The following PIGR variants were observed in gnomAD, a reference collection of about 807,000 sequenced individuals.
The protein encoded by PIGR is hepatocellular carcinoma associated protein TB6.
Under a neutral mutation model 69.5 loss-of-function variants are expected in PIGR, and 22 were observed. The observed-to-expected ratio is 0.32, with a 90% CI of 0.23 to 0.45. The LOEUF (loss-of-function observed/expected upper bound fraction) is 0.45, where lower values mean the gene tolerates loss of function less well. Among genes scored for constraint, PIGR ranks in the 20% least tolerant of loss-of-function variants. The probability of loss-of-function intolerance (pLI) is 1.00; values close to 1 mark genes in which losing one functional copy is unlikely to be tolerated. For synonymous variants in PIGR, 413 were observed against 407.6 expected, an observed-to-expected ratio of 1.01 and a Z score of -0.16; for missense variants, 885 against 974.0, an observed-to-expected ratio of 0.91 and a Z score of 1.22.
chr1:206,933,048 T>C lies in PIGR; in HGVS notation c.1824A>G (p.Glu608=). 1 of 1,614,174 alleles carries C rather than the reference T, an allele frequency of 6.2e-7. No homozygotes were observed. Among genetic ancestry groups the C allele is most frequent in the South Asian group, 1.1e-5 (1 of 91,080 alleles). Residue 608 remains glutamate, a synonymous_variant, in exon 7 of 11, where the codon GAA becomes GAG. Transcript: ENST00000356495. ...AIQDPRLFAE[E]KAVADTRDQA... ...GATCTCTTGTATCTGCCACCGCCTT[T>C]TCCTCTGCAAAAAGCCTGGGATCCT...
Position 206,931,797 on chromosome 1 carries a change from C to T in PIGR, c.2014G>A (p.Val672Ile), listed in dbSNP as rs766623390. 4 of 1,614,128 alleles carry T rather than the reference C, an allele frequency of 2.5e-6. No homozygotes were observed. The highest frequency in any genetic ancestry group is 2.2e-5 in the South Asian group (2 of 91,076). Residue 672 changes from valine to isoleucine, a missense_variant, in exon 9 of 11, where the codon GTT becomes ATT. Transcript: ENST00000356495. ...TCTGTCCTGTAGCTTCTGATTGAAACTCGGTCTGTCCGGGAGGAAGAGGAG... is the reference window on the plus strand; with the variant it reads ...TCTGTCCTGTAGCTTCTGATTGAAATTCGGTCTGTCCGGGAGGAAGAGGAG... The part of the protein sequence containing the change: ...RARHRKNVDR[V>I]SIRSYRTDIS...
At chr1:206,934,346 G>T in intron 6 of PIGR, 74 bp downstream of exon 6, 1 of 1,306,908 alleles carries the variant, frequency 7.7e-7, no homozygotes, top group Non-Finnish European at 1.1e-6. Flanking sequence ...TGATTGAGAA[G>T]CTCTCAGGCA....
chr1:206,946,306 G>T (rs756575184), intron 1 of PIGR, 30 bp downstream of exon 1: 2 of 152,304 alleles, frequency 1.3e-5, no homozygotes, highest in Non-Finnish European at 1.5e-5. Flanking sequence ...ATAGCATCCC[G>T]TCTGGGGATC....
rs571406021 is a variant in PIGR, at chr1:206,933,933, G to A, written c.1705+487C>T. 4.0e-5 allele frequency among the ~76,000 whole-genome samples: 6 copies of A among 151,334 alleles called. No individual in the cohort carries two copies. The South Asian group carries it at 1.0e-3, about 26-fold the overall frequency. On this transcript the variant is annotated intron_variant, in intron 6 of 10. Transcript: ENST00000356495. Reference sequence around the variant, plus strand: ...TGCCTAGGCTAGAGTGTGGTGGCACGATCTCAGTTCACTGCAACCCCTGCC... The same window carrying A: ...TGCCTAGGCTAGAGTGTGGTGGCACAATCTCAGTTCACTGCAACCCCTGCC...
intron 6 of PIGR, 65 bp downstream of exon 6, chr1:206,934,355 C>G (rs1222029440): frequency 1.1e-5 from 15 of 1,396,180 alleles, no homozygotes; most frequent in Non-Finnish European, 1.4e-5. Context: ...AGCTCTCAGG[C>G]AGGGGCCTTC....
At chr1:206,940,674 G>A in intron 1 of PIGR, 90 bp from the exon 2 acceptor site, 1 of 726,198 alleles carries the variant, frequency 1.4e-6, no homozygotes, top group Non-Finnish European at 2.2e-6. Flanking sequence ...ATTTGGCTTT[G>A]TATCTCCAGC....
chr1:206,939,561 G>A (rs961121677), intron 2 of PIGR, 98 bp from the exon 3 acceptor site: 68 of 742,184 alleles, frequency 9.2e-5, no homozygotes, highest in South Asian at 1.4e-4. Flanking sequence ...TACCTGACAC[G>A]TAGGCCCTGT....
At chr1:206,937,011 G>A (rs1356383626) in intron 4 of PIGR, 84 bp downstream of exon 4, 1 of 1,262,016 alleles carries the variant, frequency 7.9e-7, no homozygotes, top group African/African-American at 1.5e-5. Context: ...GATGACTATT[G>A]ATGAATACAC....
At position 206,937,098 on chromosome 1, in the gene PIGR, C is replaced by T; in HGVS notation, c.1042G>A (p.Glu348Lys). 6.3e-7 allele frequency: 1 copy of T among 1,591,722 alleles called. No homozygotes were observed. Among genetic ancestry groups the T allele is most frequent in the Non-Finnish European group, 8.6e-7 (1 of 1,168,812 alleles). The change falls in exon 4 of 11, where the codon GAG (glutamate) becomes AAG (lysine). Residue 348 changes from glutamate to lysine, a missense_variant. By Grantham distance (56) the Glu-to-Lys change is moderately conservative. Coordinates refer to ENST00000356495, the MANE Select transcript of PIGR (RefSeq NM_002644.4). ...CCCTCCCTCTCTAGGGTCTTACCCT[C>T]ATTGACGAAGAGTTGCCAGGCCTGG... is the stretch of plus-strand genomic sequence containing the variant. ...PIQAWQLFVN[E>K]ESTIPRSPTV...
In PIGR at chr1:206,937,643, T is replaced by C. The variant is rs142465620; in HGVS notation, c.497A>G (p.Tyr166Cys). 9 of 1,613,770 alleles carry C rather than the reference T, an allele frequency of 5.6e-6. No individual in the cohort carries two copies. In the African/African-American group the frequency reaches 9.3e-5, roughly 17 times the overall value. ...CACAGGGTACAGGCCTATCTGCTTG[T>C]ACAAGGACTTCCTCTTTTGAGCATT... ...TENAQKRKSL[Y>C]KQIGLYPVLV... The change falls in exon 4 of 11, where the codon TAC (tyrosine) becomes TGC (cysteine). Residue 166 changes from tyrosine (Y) to cysteine (C), a missense_variant. Transcript: ENST00000356495.
chr1:206,937,198 G>A lies in PIGR; in HGVS notation c.942C>T (p.Gly314=). The A allele has an allele frequency of 6.2e-7, 1 of 1,614,172 alleles. No individual in the cohort carries two copies. The change falls in exon 4 of 11, where the codon GGC becomes GGT. Residue 314 remains glycine (G), a synonymous_variant. Coordinates refer to ENST00000356495, the MANE Select transcript of PIGR (RefSeq NM_002644.4). ...AGCGCCCTGCATCCTCCTTCCTCAG[G>A]CCTGTGATCACCACACTGAATGAGC... ...KDGSFSVVIT[G]LRKEDAGRYL...
Position 206,937,324 on chromosome 1 carries a change from T to C in PIGR, c.816A>G (p.Arg272=). 6.2e-7 allele frequency: 1 copy of C among 1,613,108 alleles called. No individual in the cohort carries two copies. Among genetic ancestry groups the C allele is most frequent in the South Asian group, 1.1e-5 (1 of 90,966 alleles). The change falls in exon 4 of 11, where the codon CGA becomes CGG. Residue 272 remains arginine, a synonymous_variant. Transcript: ENST00000356495. Reference sequence around the variant, plus strand: ...CGTCACAGTTTTCCCCACTGCTCTGTCGGCACAGAAATTTGGCCACGTTTG... The same window carrying C: ...CGTCACAGTTTTCCCCACTGCTCTGCCGGCACAGAAATTTGGCCACGTTTG... ...EVANVAKFLC[R]QSSGENCDVV... is the part of the protein sequence containing the mutation.
chr1:206,942,008 C>T (rs551305802), intron 1 of PIGR, among the ~76,000 whole-genome samples: 63 of 152,336 alleles, frequency 4.1e-4, no homozygotes, highest in South Asian at 1.7e-3. Flanking sequence ...ACTCCCTTCA[C>T]CAGCTTGAGC....
chr1:206,931,137 T>C, intron 10 of PIGR: 1 of 985,452 alleles, frequency 1.0e-6, no homozygotes, highest in Non-Finnish European at 1.2e-6. Context: ...ATGTGTGGCC[T>C]GAGGTCCTTG....
At position 206,937,515 on chromosome 1, in the gene PIGR, G is replaced by T. The variant is rs754170263; in HGVS notation, c.625C>A (p.Gln209Lys). The T allele has an allele frequency of 2.3e-5, 37 of 1,614,074 alleles. No homozygotes were observed. The highest frequency in any genetic ancestry group is 3.0e-5 in the Non-Finnish European group (35 of 1,180,036). ...TGCCCAGCATCGCTGAGCCTGAGTTGGTTGATGACAACGCTGAACAGTAAC... is the reference window on the plus strand; with the variant it reads ...TGCCCAGCATCGCTGAGCCTGAGTTTGTTGATGACAACGCTGAACAGTAAC... ...GQLLFSVVIN[Q>K]LRLSDAGQYL... The change falls in exon 4 of 11, where the codon CAA becomes AAA. Residue 209 changes from glutamine to lysine, a missense_variant. Gln to Lys is a moderately conservative substitution (Grantham distance 53). Transcript: ENST00000356495.
Position 206,934,608 on chromosome 1 carries a change from A to C in PIGR, c.1517T>G (p.Leu506Arg). Residue 506 changes from leucine (L) to arginine (R), a missense_variant, in exon 6 of 11, where the codon CTG becomes CGG. Transcript: ENST00000356495. ...CKWNNTGCQA[L>R]PSQDEGPSKA... ...GCTGGGGCCTTCGTCTTGGCTGGGC[A>C]GGGCCTGGCAGCCCGTGTTATTCCA... 1 of 1,614,202 alleles carries C rather than the reference A, an allele frequency of 6.2e-7. No homozygotes were observed. The highest frequency in any genetic ancestry group is 1.1e-5 in the South Asian group (1 of 91,086).
Position 206,934,453 on chromosome 1 carries a change from C to T in PIGR, c.1672G>A (p.Val558Ile), listed in dbSNP as rs191320141. 136 of 1,614,048 alleles carry T rather than the reference C, an allele frequency of 8.4e-5. No homozygotes were observed. The Admixed American group carries it at 9.8e-4, about 12-fold the overall frequency. The stretch of plus-strand genomic sequence containing the variant: ...TTCCTCTCTTCAACTGCCACATAGA[C>T]GGCTGCAGTCTCTCCATAGAAGTGG... ...QGHFYGETAA[V>I]YVAVEERKAA... The change falls in exon 6 of 11, where the codon GTC (valine) becomes ATC (isoleucine). Residue 558 changes from valine (V) to isoleucine (I), a missense_variant. Coordinates refer to ENST00000356495, the MANE Select transcript of PIGR (RefSeq NM_002644.4).
Position 206,929,630 on chromosome 1 carries a change from T to C in PIGR, c.*688A>G, listed in dbSNP as rs543961969. Reference sequence around the variant, plus strand: ...GTGAAATGGTAAGAATGTGGGTTTATAATTACCTGTGTGTATGCTCATCAT... The same window carrying C: ...GTGAAATGGTAAGAATGTGGGTTTACAATTACCTGTGTGTATGCTCATCAT... On this transcript the variant is annotated 3_prime_UTR_variant, in exon 11 of 11. Transcript: ENST00000356495. 3 of 152,354 alleles carry C rather than the reference T, an allele frequency of 2.0e-5. No individual in the cohort carries two copies. The highest frequency in any genetic ancestry group is 7.2e-5 in the African/African-American group (3 of 41,584). 9.4% of individuals were successfully genotyped at this position (152,354 alleles called of 1,614,324 possible).
At position 206,937,595 on chromosome 1, in the gene PIGR, T is replaced by C. The variant is rs1432237587; in HGVS notation, c.545A>G (p.Tyr182Cys). 6.2e-7 allele frequency: 1 copy of C among 1,614,046 alleles called. No homozygotes were observed. The highest frequency in any genetic ancestry group is 8.5e-7 in the Non-Finnish European group (1 of 1,179,968). Residue 182 changes from tyrosine (Y) to cysteine (C), a missense_variant, in exon 4 of 11, where the codon TAT becomes TGT. Coordinates refer to ENST00000356495, the MANE Select transcript of PIGR (RefSeq NM_002644.4). ...TCTTCCTGTATAGTTGGGATTTACA[T>C]AACCACTGGAGTCGATGACCAGCAC... ...YPVLVIDSSG[Y>C]VNPNYTGRIR...
Sources: gnomAD v4.1 joint callset for allele counts (sites outside exome capture counted in the v4.1 genomes callset) on GRCh38, gnomAD v4.1.1 for gene constraint, MANE v1.5 for transcripts, NCBI Gene and HGNC (gene_info 2026-07-23, HGNC 2026-07-21) for gene names.